The following PLOD2 variants were observed in gnomAD, a reference collection of about 807,000 sequenced individuals.
PLOD2 encodes the protein lysine hydroxylase 2.
A neutral mutation model predicts 101.0 loss-of-function variants in PLOD2; 65 were observed. The observed-to-expected ratio is 0.64, with a 90% CI of 0.53 to 0.79. PLOD2 has a LOEUF of 0.79. Among genes scored for constraint, PLOD2 ranks in the 30% least tolerant of loss-of-function variants. PLOD2 has a pLI of 0.00. For synonymous variants in PLOD2, 314 were observed against 302.9 expected (o/e 1.04, Z -0.38); for missense variants, 909 against 914.6 (o/e 0.99, Z 0.08).
At chr3:146,119,630 C>T (rs539883315) in intron 3 of PLOD2, among the ~76,000 whole-genome samples, 8 of 151,940 alleles carry the variant, frequency 5.3e-5, no homozygotes, top group African/African-American at 1.9e-4. Context: ...GTGTGATGTT[C>T]CCCTTCCTGT....
rs530480596 is a variant in PLOD2 at position 146,100,013 on chromosome 3, C to G, written c.777+2742G>C. Among the ~76,000 whole-genome samples, 12 of 151,772 alleles carry G rather than the reference C, an allele frequency of 7.9e-5. 1 individual carries two copies. The South Asian group carries it at 2.3e-3, about 29-fold the overall frequency. On this transcript the variant is annotated intron_variant, in intron 7 of 19. Transcript: ENST00000282903. ...CTCCTGCCTCAGCCCTCTACAGTAG[C>G]TGGGATTAAAGGCATGTGCCACCAA... is the stretch of plus-strand genomic sequence containing the variant.
chr3:146,077,097 A>G, intron 14 of PLOD2: 1 of 1,251,820 alleles, frequency 8.0e-7, no homozygotes, highest in Non-Finnish European at 1.0e-6. Flanking sequence ...ACACAAAACT[A>G]GTAGATAGCA....
chr3:146,084,477 G>T (rs182507907), intron 11 of PLOD2, among the ~76,000 whole-genome samples: 1 of 151,990 alleles, frequency 6.6e-6, no homozygotes, highest in Non-Finnish European at 1.5e-5. Flanking sequence ...CATTTCACCC[G>T]CTAAACATTC....
intron 12 of PLOD2, among the ~76,000 whole-genome samples, chr3:146,080,193 T>G (rs1936486900): frequency 6.6e-6 from 1 of 151,966 alleles, no homozygotes; most frequent in Admixed American, 6.6e-5. Flanking sequence ...CCCCAGTGGA[T>G]GCTTGAAAGC....
In PLOD2 at chr3:146,090,835, T is replaced by C. The variant is rs147856356; in HGVS notation, c.879+965A>G. ...TTAGTAGTACTATATTCCTAAGAGC[T>C]TTATTTTTGCCTATATTGCTTCTAC... On this transcript the variant is annotated intron_variant, in intron 8 of 19. Coordinates refer to ENST00000282903, the MANE Select transcript of PLOD2 (RefSeq NM_182943.3). Among the ~76,000 whole-genome samples the C allele has an allele frequency of 8.6e-4, 130 of 151,962 alleles. 2 individuals are homozygous for C. The East Asian group carries it at 0.02, about 24-fold the overall frequency.
chr3:146,083,325 G>A (rs548762291), intron 11 of PLOD2, among the ~76,000 whole-genome samples: 116 of 152,252 alleles, frequency 7.6e-4, no homozygotes, highest in African/African-American at 2.6e-3. Flanking sequence ...GAGAGCTGAT[G>A]AGAAGGTAGA....
intron 1 of PLOD2, among the ~76,000 whole-genome samples, chr3:146,134,725 C>A (rs528331053): frequency 1.3e-5 from 2 of 152,332 alleles, no homozygotes; most frequent in East Asian, 3.9e-4. Flanking sequence ...CCAGCACAGG[C>A]TGAGGTAATA....
At chr3:146,130,473 G>C (rs1434668372) in intron 1 of PLOD2, among the ~76,000 whole-genome samples, 1 of 152,168 alleles carries the variant, frequency 6.6e-6, no homozygotes, top group Non-Finnish European at 1.5e-5. Flanking sequence ...GAAAGGCAGA[G>C]AACATTCTTT....
chr3:146,137,670 A>G (rs2031310424), intron 1 of PLOD2, among the ~76,000 whole-genome samples: 1 of 152,162 alleles, frequency 6.6e-6, no homozygotes, highest in Non-Finnish European at 1.5e-5. Context: ...ACTTGTATAA[A>G]CAAGAGATTG....
intron 1 of PLOD2, among the ~76,000 whole-genome samples, chr3:146,141,982 G>A (rs2031547175): frequency 6.6e-6 from 1 of 152,044 alleles, no homozygotes; most frequent in African/African-American, 2.4e-5. Flanking sequence ...TGTGTAACAG[G>A]GGAATGGGAT....
chr3:146,141,684 G>A (rs2031533226), intron 1 of PLOD2, among the ~76,000 whole-genome samples: 1 of 151,972 alleles, frequency 6.6e-6, no homozygotes, highest in African/African-American at 2.4e-5. Context: ...ATACACAGTA[G>A]GCACTCAATA....
chr3:146,089,100 CT>C (rs1936889877), intron 8 of PLOD2, among the ~76,000 whole-genome samples: 2 of 151,572 alleles, frequency 1.3e-5, no homozygotes, highest in South Asian at 4.1e-4. Context: ...TTGTGTTTCT[CT>C]TTTTGTTTCC....
intron 15 of PLOD2, 103 bp downstream of exon 15, chr3:146,076,679 G>A: frequency 1.5e-6 from 1 of 669,732 alleles, no homozygotes; most frequent in Non-Finnish European, 2.7e-6. Flanking sequence ...TTCACCTTAT[G>A]TCATTTTAAA....
Position 146,079,262 on chromosome 3 carries a change from A to T in PLOD2, c.1359-5T>A, listed in dbSNP as rs375301396. On this transcript the variant is annotated splice_polypyrimidine_tract_variant and splice_region_variant and intron_variant, in intron 12 of 19. Transcript: ENST00000282903. ...TATGGGACATTCCATACTCCTCTGA[A>T]AGTAAAGAGAAGACATTCTTATATA... 6.9e-6 allele frequency: 11 copies of T among 1,598,448 alleles called. No homozygotes were observed. Among genetic ancestry groups the T allele is most frequent in the Admixed American group, 3.3e-5 (2 of 59,782 alleles).
chr3:146,138,256 T>C (rs1373332276), intron 1 of PLOD2, among the ~76,000 whole-genome samples: 11 of 151,876 alleles, frequency 7.2e-5, no homozygotes, highest in Non-Finnish European at 1.6e-4. Context: ...GCCACTGTTC[T>C]AGAGACTCAG....
chr3:146,144,387 A>T (rs1335221769), intron 1 of PLOD2, among the ~76,000 whole-genome samples: 6 of 152,174 alleles, frequency 3.9e-5, no homozygotes, highest in Admixed American at 1.3e-4. Flanking sequence ...TATTTTGAAA[A>T]GTAATGCTTG....
chr3:146,116,458 A>T (rs1937914537), intron 3 of PLOD2, among the ~76,000 whole-genome samples: 2 of 152,164 alleles, frequency 1.3e-5, no homozygotes, highest in African/African-American at 4.8e-5. Flanking sequence ...TTCCTGGGAT[A>T]AATCCCACTT....
chr3:146,089,678 C>A (rs1421340259), intron 8 of PLOD2, among the ~76,000 whole-genome samples: 1 of 151,544 alleles, frequency 6.6e-6, no homozygotes, highest in African/African-American at 2.4e-5. Context: ...TAAAAGTACA[C>A]CTTGTACACT....
chr3:146,091,654 G>A (rs1936971279), intron 8 of PLOD2, 146 bp downstream of exon 8: 3 of 612,042 alleles, frequency 4.9e-6, no homozygotes, highest in Non-Finnish European at 3.0e-6. Flanking sequence ...GCAAATGGCT[G>A]AATCATCATG....
Sources: gnomAD v4.1 joint callset for allele counts (sites outside exome capture counted in the v4.1 genomes callset) on GRCh38, gnomAD v4.1.1 for gene constraint, MANE v1.5 for transcripts, NCBI Gene and HGNC (gene_info 2026-07-23, HGNC 2026-07-21) for gene names.